The following ABCC1 variants were observed in gnomAD, a reference collection of about 807,000 sequenced individuals.
ABCC1 encodes the protein multidrug resistance-associated protein 1.
In ABCC1, 83 loss-of-function variants were observed where a neutral mutation model predicts 172.9. That is an observed-to-expected ratio of 0.48 (90% confidence interval 0.40 to 0.58). ABCC1 has a LOEUF of 0.58. Among genes scored for constraint, ABCC1 ranks in the 20% least tolerant of loss-of-function variants. The pLI is 0.00. For synonymous variants in ABCC1, 937 were observed against 825.2 expected (o/e 1.14, Z -2.32); for missense variants, 1,817 against 2,002.7 (o/e 0.91, Z 1.77).
rs760820887 is a variant in ABCC1 at position 15,997,982 on chromosome 16, G to GT, written c.49-9833dup. 1.3e-3 allele frequency among the ~76,000 whole-genome samples: 193 copies of GT among 146,996 alleles called. 1 individual carries two copies. The highest frequency in any genetic ancestry group is 3.5e-3 in the Middle Eastern group (1 of 284). ...GCATTTGCCACCATGGCTGGCTAATGTATTTTTTTTTTCTTTTTCAGTAGA... is the reference window on the plus strand; with the variant it reads ...GCATTTGCCACCATGGCTGGCTAATGTTATTTTTTTTTTCTTTTTCAGTAGA... On this transcript the variant is annotated intron_variant, in intron 1 of 30. Coordinates refer to ENST00000399410, the MANE Select transcript of ABCC1 (RefSeq NM_004996.4).
rs181596392 is a variant in ABCC1 at position 16,086,418 on chromosome 16, C to T, written c.2293-406C>T. On this transcript the variant is annotated intron_variant, in intron 17 of 30. Transcript: ENST00000399410. ...GGTGCAGCTCTGCAGGGCCTTCACCCAGGACCTGCTGTGTCCTGAGCAGGC... is the reference window on the plus strand; with the variant it reads ...GGTGCAGCTCTGCAGGGCCTTCACCTAGGACCTGCTGTGTCCTGAGCAGGC... 9.5e-4 allele frequency among the ~76,000 whole-genome samples: 144 copies of T among 152,272 alleles called. 1 individual carries two copies. Among genetic ancestry groups the T allele is most frequent in the Middle Eastern group, 3.4e-3 (1 of 294 alleles).
At chr16:16,058,041 G>GT (rs975328621) in intron 12 of ABCC1, among the ~76,000 whole-genome samples, 14 of 151,912 alleles carry the variant, frequency 9.2e-5, no homozygotes, top group Admixed American at 2.0e-4. Context: ...GTTGTTCCCT[G>GT]TTTTTTTTGC....
intron 7 of ABCC1, among the ~76,000 whole-genome samples, chr16:16,037,720 C>T (rs1465227044): frequency 6.6e-6 from 1 of 152,096 alleles, no homozygotes; most frequent in Non-Finnish European, 1.5e-5. Context: ...AGGGAAAAAC[C>T]CCAGACCGGG....
intron 12 of ABCC1, among the ~76,000 whole-genome samples, chr16:16,057,502 T>C (rs1005552403): frequency 6.6e-6 from 1 of 151,356 alleles, no homozygotes; most frequent in East Asian, 1.9e-4. Flanking sequence ...AAACAGTGCA[T>C]AGCAGGTGCT....
intron 5 of ABCC1, among the ~76,000 whole-genome samples, chr16:16,032,095 A>G (rs35092337): frequency 0.13 from 19,019 of 152,002 alleles, 1,661 homozygotes; most frequent in African/African-American, 0.24. Flanking sequence ...GGTTCAAGCG[A>G]TTCTCTTGCC....
chr16:16,006,431 A>AC (rs1318531708), intron 1 of ABCC1, among the ~76,000 whole-genome samples: 1 of 151,844 alleles, frequency 6.6e-6, no homozygotes, highest in East Asian at 1.9e-4. Context: ...AAAAGAAAAA[A>AC]AAAAGAAAAA....
chr16:15,972,741 T>C (rs2046397155), intron 1 of ABCC1, among the ~76,000 whole-genome samples: 1 of 152,004 alleles, frequency 6.6e-6, no homozygotes, highest in Non-Finnish European at 1.5e-5. Context: ...GGGAGAAACT[T>C]TTGAGTAAGC....
chr16:15,972,582 C>A (rs2046394190), intron 1 of ABCC1, among the ~76,000 whole-genome samples: 1 of 152,008 alleles, frequency 6.6e-6, no homozygotes, highest in Admixed American at 6.6e-5. Context: ...CAGGAAAGTC[C>A]AAGCCTTCTT....
At chr16:16,034,653 C>T (rs533362304) in intron 6 of ABCC1, among the ~76,000 whole-genome samples, 125 of 141,142 alleles carry the variant, frequency 8.9e-4, no homozygotes, top group African/African-American at 3.3e-3. Flanking sequence ...AGTGGCAGGA[C>T]CTCAGCTCTC....
chr16:16,128,524 A>G (rs933373509), intron 26 of ABCC1, among the ~76,000 whole-genome samples: 2 of 152,218 alleles, frequency 1.3e-5, no homozygotes, highest in African/African-American at 4.8e-5. Context: ...GACAAACCCA[A>G]GAGAAAGTAA....
At chr16:16,088,098 A>G (rs942382327) in intron 18 of ABCC1, among the ~76,000 whole-genome samples, 1 of 150,284 alleles carries the variant, frequency 6.7e-6, no homozygotes, top group Non-Finnish European at 1.5e-5. Context: ...GAATATGGAT[A>G]TCTTCTTATA....
chr16:16,102,756 C>G, intron 20 of ABCC1, 39 bp downstream of exon 20: 1 of 1,539,320 alleles, frequency 6.5e-7, no homozygotes, highest in Non-Finnish European at 8.8e-7. Context: ...AAGGACCCTG[C>G]CCTGCCAGTG....
chr16:15,963,508 C>G (rs979363349), intron 1 of ABCC1, among the ~76,000 whole-genome samples: 6 of 152,230 alleles, frequency 3.9e-5, no homozygotes, highest in African/African-American at 1.4e-4. Flanking sequence ...CTGCAGCAAA[C>G]TTCTGGCTGG....
intron 1 of ABCC1, among the ~76,000 whole-genome samples, chr16:15,972,378 T>C (rs2046389655): frequency 6.6e-6 from 1 of 152,192 alleles, no homozygotes; most frequent in African/African-American, 2.4e-5. Flanking sequence ...ATTTTTTACA[T>C]GTCAGGAATT....
intron 1 of ABCC1, among the ~76,000 whole-genome samples, chr16:15,969,073 G>A (rs534886207): frequency 3.3e-5 from 5 of 151,920 alleles, no homozygotes; most frequent in African/African-American, 4.8e-5. Flanking sequence ...CTGTGGTGGC[G>A]CTTGCCTATA....
chr16:15,980,454 T>C (rs979991194), intron 1 of ABCC1, among the ~76,000 whole-genome samples: 16 of 152,120 alleles, frequency 1.1e-4, no homozygotes, highest in Non-Finnish European at 2.1e-4. Flanking sequence ...AGGAAACTTA[T>C]ACTCACAGCA....
intron 27 of ABCC1, among the ~76,000 whole-genome samples, chr16:16,132,519 T>TTG (rs1567441467): frequency 5.9e-5 from 5 of 84,474 alleles, no homozygotes; most frequent in Non-Finnish European, 1.0e-4. Flanking sequence ...TGTTTTTTTT[T>TTG]TTTTTTTTTT....
At chr16:16,133,308 T>C (rs1017570026) in intron 27 of ABCC1, among the ~76,000 whole-genome samples, 4 of 152,212 alleles carry the variant, frequency 2.6e-5, no homozygotes, top group African/African-American at 9.6e-5. Flanking sequence ...AACATTCTGT[T>C]CCCAGCAGAT....
chr16:15,951,078 C>G (rs1379611486), intron 1 of ABCC1, among the ~76,000 whole-genome samples: 2 of 152,138 alleles, frequency 1.3e-5, no homozygotes, highest in Non-Finnish European at 2.9e-5. Flanking sequence ...TGATTGGAGC[C>G]TCTTTGCAGA....
Sources: allele counts gnomAD v4.1 joint callset (sites outside exome capture counted in the v4.1 genomes callset), GRCh38; gene constraint gnomAD v4.1.1; transcripts MANE v1.5; gene names NCBI Gene and HGNC (gene_info 2026-07-23, HGNC 2026-07-21).